Variants in ZNF429 observed in about 807,000 individuals in gnomAD.
The protein encoded by ZNF429 is zinc finger protein 429.
ZNF429 carries 53 observed loss-of-function variants against 56.8 expected under a neutral mutation model. That is an observed-to-expected ratio of 0.93 (90% CI 0.75 to 1.17). ZNF429 has a LOEUF of 1.17. Among genes scored for constraint, ZNF429 ranks in the 50% most tolerant of loss-of-function variants. ZNF429 has a pLI of 0.00. For missense variants in ZNF429, 849 were observed against 788.4 expected (o/e 1.08, Z -0.92); for synonymous variants, 278 against 264.7 (o/e 1.05, Z -0.49).
rs1391480578 is a variant in ZNF429 at position 21,530,673 on chromosome 19, A to G, written c.215A>G (p.Asp72Gly). The change falls in exon 3 of 4, where the codon GAT (aspartate) becomes GGT (glycine). Residue 72 changes from aspartate (D) to glycine (G), a missense_variant. By Grantham distance (94) the Asp-to-Gly change is moderately conservative. Coordinates refer to ENST00000358491, the MANE Select transcript of ZNF429 (RefSeq NM_001001415.4). ...AAGATGAAGCGACATGAAATGGTGG[A>G]TGAACCCCCAGGTAGGTGAGAGTGA... ...PCKMKRHEMVDEPPVVCSHFA... is the reference protein window; with the variant it reads ...PCKMKRHEMVGEPPVVCSHFA... 2 of 1,608,432 alleles carry G rather than the reference A, an allele frequency of 1.2e-6. No homozygotes were observed. The highest frequency in any genetic ancestry group is 1.3e-5 in the African/African-American group (1 of 74,758).
In ZNF429 at chr19:21,538,410, G is replaced by A. The variant is rs2033808595; in HGVS notation, c.*332G>A. On this transcript the variant is annotated 3_prime_UTR_variant, in exon 4 of 4. Coordinates refer to ENST00000358491, the MANE Select transcript of ZNF429 (RefSeq NM_001001415.4). The stretch of plus-strand genomic sequence containing the variant: ...AGGTCAGGAGTTCAAGACCAGCCTG[G>A]TCAACATGGTAAAACCCCATCTCTA... 6.6e-6 allele frequency among the ~76,000 whole-genome samples: 1 copy of A among 151,912 alleles called. No homozygotes were observed. The highest frequency in any genetic ancestry group is 2.4e-5 in the African/African-American group (1 of 41,360).
intron 1 of ZNF429, among the ~76,000 whole-genome samples, chr19:21,509,352 GA>G (rs1372726708): frequency 6.6e-6 from 1 of 152,156 alleles, no homozygotes; most frequent in African/African-American, 2.4e-5. Flanking sequence ...TAAAGGAATA[GA>G]TACTTTTGCT....
chr19:21,535,489 TTTCTTTCTTCTTTCTTTCTTTCTTTCC>T, intron 3 of ZNF429, among the ~76,000 whole-genome samples: 1 of 128,380 alleles, frequency 7.8e-6, no homozygotes, highest in Non-Finnish European at 1.6e-5. Context: ...TCTTTCTTTC[TTTCTTTCTTCTTTCTTTCTTTCTTTCC>T]TTCTTTTTCT....
In ZNF429 at chr19:21,537,359, T is replaced by G. The variant is rs145137585; in HGVS notation, c.1306T>G (p.Tyr436Asp). The G allele has an allele frequency of 3.2e-4, 517 of 1,604,726 alleles. 2 individuals are homozygous for G. In the African/African-American group the frequency reaches 6.3e-3, roughly 20 times the overall value. Reference protein sequence around the residue: ...NCEECGKVFTYSSTLTRHKRI... With the variant: ...NCEECGKVFTDSSTLTRHKRI... ...TGAAGAATGTGGCAAAGTTTTTACC[T>G]ATTCCTCTACACTTACTAGACATAA... Residue 436 changes from tyrosine to aspartate, a missense_variant, in exon 4 of 4, where the codon TAT (tyrosine) becomes GAT (aspartate). Physicochemically the swap from Tyr to Asp is radical, Grantham distance 160. Transcript: ENST00000358491.
chr19:21,535,410 T>TTA, intron 3 of ZNF429, among the ~76,000 whole-genome samples: 1 of 90,828 alleles, frequency 1.1e-5, no homozygotes, highest in African/African-American at 6.1e-5. Context: ...TCTTTCTTTT[T>TTA]CTTTTCTTTC....
At chr19:21,506,443 C>CAAAA (rs1229591215) in intron 1 of ZNF429, among the ~76,000 whole-genome samples, 2 of 99,242 alleles carry the variant, frequency 2.0e-5, no homozygotes, top group African/African-American at 7.3e-5. Flanking sequence ...CTATCTCAAA[C>CAAAA]AAAAAAAAAA....
chr19:21,511,783 C>T (rs1167367836), intron 1 of ZNF429, among the ~76,000 whole-genome samples: 1 of 152,150 alleles, frequency 6.6e-6, no homozygotes, highest in East Asian at 1.9e-4. Context: ...CCAGCCTGGG[C>T]ACCATTGAAC....
At chr19:21,505,867 C>G in intron 1 of ZNF429, 93 bp downstream of exon 1, 1 of 1,414,358 alleles carries the variant, frequency 7.1e-7, no homozygotes, top group Non-Finnish European at 9.9e-7. Context: ...TCCCGGCAGT[C>G]AGCTCCACAA....
In ZNF429 at chr19:21,531,136, A is replaced by AAAAC; in HGVS notation, c.226+455_226+456insCAAA. Among the ~76,000 whole-genome samples, 72 of 130,058 alleles carry AAAAC rather than the reference A, an allele frequency of 5.5e-4. 1 individual carries two copies. Among genetic ancestry groups the AAAAC allele is most frequent in the South Asian group, 2.7e-3 (11 of 4,082 alleles). 85.3% of individuals were successfully genotyped at this position (130,058 alleles called of 152,430 possible). On this transcript the variant is annotated intron_variant, in intron 3 of 3. Coordinates refer to ENST00000358491, the MANE Select transcript of ZNF429 (RefSeq NM_001001415.4). The stretch of plus-strand genomic sequence containing the variant: ...AAAAAAAAAAAAAAAAAAACCAAAA[A>AAAAC]AAAAAAAACACCCGTCTTGGTGACT...
rs1599498177 is a variant in ZNF429 at position 21,538,202 on chromosome 19, C to T, written c.*124C>T. The stretch of plus-strand genomic sequence containing the variant: ...GCTGAGGCAGGAGAATGGCCTGAAC[C>T]CGGAGGTGGAGCTTGCATTGAGCCA... On this transcript the variant is annotated 3_prime_UTR_variant, in exon 4 of 4. Coordinates refer to ENST00000358491, the MANE Select transcript of ZNF429 (RefSeq NM_001001415.4). The T allele has an allele frequency of 2.4e-6, 1 of 416,040 alleles. No individual in the cohort carries two copies. The highest frequency in any genetic ancestry group is 4.2e-6 in the Non-Finnish European group (1 of 236,642). 25.8% of individuals were successfully genotyped at this position (416,040 alleles called of 1,614,324 possible). A position where few individuals can be genotyped will look rare whatever the true frequency, so the allele number is the denominator to read the frequency against.
chr19:21,535,420 CTTTCT>C, intron 3 of ZNF429, among the ~76,000 whole-genome samples: 110 of 6,360 alleles, frequency 0.017, 21 homozygotes, highest in African/African-American at 0.031. Context: ...TCTTTTCTTT[CTTTCT>C]TTCTTTCTTT....
At chr19:21,523,418 A>G (rs941643436) in intron 1 of ZNF429, among the ~76,000 whole-genome samples, 1 of 152,262 alleles carries the variant, frequency 6.6e-6, no homozygotes, top group Non-Finnish European at 1.5e-5. Flanking sequence ...TCGGAGAGAC[A>G]TTAAAATGAG....
chr19:21,509,747 T>G lies in ZNF429; in HGVS notation c.3+3973T>G, dbSNP rs557451699. Among the ~76,000 whole-genome samples, 4 of 152,152 alleles carry G rather than the reference T, an allele frequency of 2.6e-5. No homozygotes were observed. The South Asian group carries it at 8.3e-4, about 31-fold the overall frequency. ...TACTGAAGATAAAGTTGTCCTTGTT[T>G]TGAGACAGTTTTTAGACTTTGTAAA... On this transcript the variant is annotated intron_variant, in intron 1 of 3. Transcript: ENST00000358491.
chr19:21,530,691 G>A lies in ZNF429; in HGVS notation c.226+7G>A. The A allele has an allele frequency of 6.2e-7, 1 of 1,602,798 alleles. No individual in the cohort carries two copies. The highest frequency in any genetic ancestry group is 8.5e-7 in the Non-Finnish European group (1 of 1,173,028). On this transcript the variant is annotated splice_region_variant and intron_variant, in intron 3 of 3. Coordinates refer to ENST00000358491, the MANE Select transcript of ZNF429 (RefSeq NM_001001415.4). The stretch of plus-strand genomic sequence containing the variant: ...ATGGTGGATGAACCCCCAGGTAGGT[G>A]AGAGTGAACACAACAGACAACACAG...
At chr19:21,535,484 CTTTCTTTCT>C in intron 3 of ZNF429, among the ~76,000 whole-genome samples, 1 of 70,720 alleles carries the variant, frequency 1.4e-5, no homozygotes, top group Non-Finnish European at 2.9e-5. Flanking sequence ...TTCTTTCTTT[CTTTCTTTCT>C]TTCTTCTTTC....
At position 21,537,232 on chromosome 19, in the gene ZNF429, A is replaced by G; in HGVS notation, c.1179A>G (p.Gly393=). 1 of 1,613,876 alleles carries G rather than the reference A, an allele frequency of 6.2e-7. No individual in the cohort carries two copies. Among genetic ancestry groups the G allele is most frequent in the South Asian group, 1.1e-5 (1 of 91,072 alleles). The change falls in exon 4 of 4, where the codon GGA becomes GGG. Residue 393 remains glycine, a synonymous_variant. Transcript: ENST00000358491. ...CTCGACATAAAAAAATTCATACTGGAGAGGAACCCTACAAATTTGAAAAAT... is the reference window on the plus strand; with the variant it reads ...CTCGACATAAAAAAATTCATACTGGGGAGGAACCCTACAAATTTGAAAAAT... The part of the protein sequence containing the change: ...RLTRHKKIHT[G]EEPYKFEKCG...
At chr19:21,510,122 T>G (rs1265835093) in intron 1 of ZNF429, among the ~76,000 whole-genome samples, 1 of 152,130 alleles carries the variant, frequency 6.6e-6, no homozygotes, top group African/African-American at 2.4e-5. Context: ...TTGGCCAGGC[T>G]GGTCTCGAAG....
At chr19:21,515,067 A>T (rs567717331) in intron 1 of ZNF429, among the ~76,000 whole-genome samples, 1 of 151,810 alleles carries the variant, frequency 6.6e-6, no homozygotes, top group Non-Finnish European at 1.5e-5. Context: ...CAGCCTCCCA[A>T]GTAGCTGGGA....
intron 2 of ZNF429, among the ~76,000 whole-genome samples, chr19:21,530,126 G>GC: frequency 6.6e-6 from 1 of 151,580 alleles, no homozygotes; most frequent in East Asian, 1.9e-4. Flanking sequence ...GGGAGGTGGA[G>GC]CTTGCAGTGA....
Sources: gnomAD v4.1 joint callset for allele counts (sites outside exome capture counted in the v4.1 genomes callset) on GRCh38, gnomAD v4.1.1 for gene constraint, MANE v1.5 for transcripts, NCBI Gene and HGNC (gene_info 2026-07-23, HGNC 2026-07-21) for gene names.